Variants in SGIP1 observed in about 807,000 individuals in gnomAD.
SGIP1 encodes SH3-containing GRB2-like protein 3-interacting protein 1.
SGIP1 carries 38 observed loss-of-function variants against 107.5 expected under a neutral mutation model. That is an observed-to-expected ratio of 0.35 (90% CI 0.27 to 0.46). The LOEUF (loss-of-function observed/expected upper bound fraction) is 0.46. Ranked by LOEUF, SGIP1 falls within the 20% of genes least tolerant of loss-of-function variation. SGIP1 has a pLI of 1.00. For missense variants in SGIP1, 929 were observed against 1,019.5 expected (o/e 0.91, Z 1.21); for synonymous variants, 365 against 366.1 (o/e 1.00, Z 0.03).
At chr1:66,651,774 A>G (rs2078807206) in intron 7 of SGIP1, among the ~76,000 whole-genome samples, 1 of 152,172 alleles carries the variant, frequency 6.6e-6, no homozygotes, top group South Asian at 2.1e-4. Flanking sequence ...CTGTTGTGTG[A>G]TATGTGATTT....
At chr1:66,729,539 T>A in intron 20 of SGIP1, 120 bp downstream of exon 20, 1 of 1,285,478 alleles carries the variant, frequency 7.8e-7, no homozygotes, top group Non-Finnish European at 1.1e-6. Flanking sequence ...CACTCAGATA[T>A]ATTTGTAGAT....
In SGIP1 at chr1:66,661,918, C is replaced by T. The variant is rs2149727722; in HGVS notation, c.471+1394C>T. 1.3e-5 allele frequency among the ~76,000 whole-genome samples: 2 copies of T among 152,200 alleles called. 1 individual carries two copies. Among genetic ancestry groups the T allele is most frequent in the South Asian group, 4.2e-4 (2 of 4,818 alleles). ...TCTTTGGAAATGTCCATCTTGATTC[C>T]TCAGCCTGGTCATTTTGATGATACC... On this transcript the variant is annotated intron_variant, in intron 8 of 24. Coordinates refer to ENST00000371037, the MANE Select transcript of SGIP1 (RefSeq NM_032291.4).
chr1:66,660,691 A>G (rs2081295946), intron 8 of SGIP1, among the ~76,000 whole-genome samples, 167 bp downstream of exon 8: 1 of 152,206 alleles, frequency 6.6e-6, no homozygotes, highest in South Asian at 2.1e-4. Context: ...CACATGGGAA[A>G]AAAGGAAGTT....
intron 1 of SGIP1, among the ~76,000 whole-genome samples, chr1:66,588,842 C>T (rs2063104889): frequency 6.6e-6 from 1 of 151,034 alleles, no homozygotes; most frequent in African/African-American, 2.4e-5. Context: ...TGGAAGGAAC[C>T]AAAACTTCAT....
At chr1:66,562,386 C>A (rs1294527513) in intron 1 of SGIP1, among the ~76,000 whole-genome samples, 1 of 151,888 alleles carries the variant, frequency 6.6e-6, no homozygotes, top group African/African-American at 2.4e-5. Context: ...GGGGGAAATT[C>A]TCTATCTGAT....
In SGIP1 at chr1:66,744,036, T is replaced by C. The variant is rs1444548432; in HGVS notation, c.*941T>C. 6.6e-6 allele frequency: 1 copy of C among 152,144 alleles called. No homozygotes were observed. The highest frequency in any genetic ancestry group is 1.5e-5 in the Non-Finnish European group (1 of 67,994). The allele number at this position is 152,144 out of a possible 1,614,324, so 9.4% of individuals were successfully genotyped here. ...TTGCTTAGTTACTCTGAATAGATGATCTTACTCATCCAGTATGGGGGAATG... is the reference window on the plus strand; with the variant it reads ...TTGCTTAGTTACTCTGAATAGATGACCTTACTCATCCAGTATGGGGGAATG... On this transcript the variant is annotated 3_prime_UTR_variant, in exon 25 of 25. Coordinates refer to ENST00000371037, the MANE Select transcript of SGIP1 (RefSeq NM_032291.4).
intron 19 of SGIP1, 41 bp downstream of exon 19, chr1:66,719,446 T>C (rs765811306): frequency 6.6e-7 from 1 of 1,521,108 alleles, no homozygotes; most frequent in East Asian, 2.3e-5. Context: ...CTGAGTTCTG[T>C]CCTATTGAGT....
rs538372181 is a variant in SGIP1 at position 66,681,946 on chromosome 1, G to C, written c.892G>C (p.Val298Leu). The C allele has an allele frequency of 3.7e-6, 6 of 1,614,220 alleles. No homozygotes were observed. In the South Asian group the frequency reaches 6.6e-5, roughly 18 times the overall value. Residue 298 changes from valine (V) to leucine (L), a missense_variant, in exon 15 of 25, where the codon GTA becomes CTA. By Grantham distance (32) the Val-to-Leu change is conservative. Coordinates refer to ENST00000371037, the MANE Select transcript of SGIP1 (RefSeq NM_032291.4). ...TGACTTGGACAGCATTTTTGGGCCAGTATTGTCCCCCAAGTCTGTTGCTGT... is the reference window on the plus strand; with the variant it reads ...TGACTTGGACAGCATTTTTGGGCCACTATTGTCCCCCAAGTCTGTTGCTGT... Reference protein sequence around the residue: ...INDLDSIFGPVLSPKSVAVNA... With the variant: ...INDLDSIFGPLLSPKSVAVNA...
chr1:66,649,947 A>G (rs55895340), intron 7 of SGIP1, among the ~76,000 whole-genome samples: 20,342 of 152,064 alleles, frequency 0.13, 1,403 homozygotes, highest in African/African-American at 0.15. Context: ...TCATCTATTA[A>G]TGGGGTGACT....
chr1:66,716,380 G>T (rs1479247595), intron 18 of SGIP1, among the ~76,000 whole-genome samples: 2 of 152,084 alleles, frequency 1.3e-5, no homozygotes, highest in Non-Finnish European at 2.9e-5. Context: ...TAAATGCTTT[G>T]CAGAATTAAA....
chr1:66,662,642 C>A (rs181466863), intron 8 of SGIP1, among the ~76,000 whole-genome samples: 5 of 152,272 alleles, frequency 3.3e-5, no homozygotes, highest in Non-Finnish European at 5.9e-5. Context: ...CATTCTAGAT[C>A]TTCATTCCAG....
intron 7 of SGIP1, among the ~76,000 whole-genome samples, chr1:66,650,505 G>A (rs532430518): frequency 1.3e-5 from 2 of 152,186 alleles, no homozygotes; most frequent in African/African-American, 4.8e-5. Flanking sequence ...TGGTTCAAAC[G>A]CTTGCCTGTC....
chr1:66,620,102 T>C (rs1299804901), intron 1 of SGIP1, among the ~76,000 whole-genome samples: 2 of 152,164 alleles, frequency 1.3e-5, no homozygotes, highest in Non-Finnish European at 1.5e-5. Context: ...TCCTATCAGC[T>C]GTACTCAGGA....
At chr1:66,552,088 G>A (rs190798456) in intron 1 of SGIP1, among the ~76,000 whole-genome samples, 45 of 152,220 alleles carry the variant, frequency 3.0e-4, no homozygotes, top group African/African-American at 1.1e-3. Context: ...AGCAGGATGG[G>A]ACCACCGGGT....
At chr1:66,671,048 T>C (rs2083658390) in intron 10 of SGIP1, 29 bp downstream of exon 10, 1 of 1,220,284 alleles carries the variant, frequency 8.2e-7, no homozygotes. Flanking sequence ...CCAGAAATAG[T>C]GTATGATTTA....
intron 1 of SGIP1, among the ~76,000 whole-genome samples, chr1:66,589,537 C>G (rs1463149731): frequency 6.6e-6 from 1 of 151,890 alleles, no homozygotes; most frequent in Non-Finnish European, 1.5e-5. Flanking sequence ...GGCTCTTGAG[C>G]TTGTGATGGG....
Position 66,571,812 on chromosome 1 carries a change from T to C in SGIP1, c.10+37444T>C, listed in dbSNP as rs2060421190. 4.0e-5 allele frequency among the ~76,000 whole-genome samples: 6 copies of C among 151,170 alleles called. No homozygotes were observed. In the South Asian group the frequency reaches 1.3e-3, roughly 32 times the overall value. ...CATTCCTTTTCCTAAACCCACCATATGCCTTTTCATGACTCCAAGTCTTTG... is the reference window on the plus strand; with the variant it reads ...CATTCCTTTTCCTAAACCCACCATACGCCTTTTCATGACTCCAAGTCTTTG... On this transcript the variant is annotated intron_variant, in intron 1 of 24. Coordinates refer to ENST00000371037, the MANE Select transcript of SGIP1 (RefSeq NM_032291.4).
At chr1:66,729,977 T>C (rs1382563842) in intron 20 of SGIP1, among the ~76,000 whole-genome samples, 3 of 152,012 alleles carry the variant, frequency 2.0e-5, no homozygotes, top group Non-Finnish European at 4.4e-5. Context: ...AATTTTTGTA[T>C]TTTTAGTAGA....
rs1306892827 is a variant in SGIP1, at chr1:66,748,563, C to T, written c.*5468C>T. On this transcript the variant is annotated 3_prime_UTR_variant, in exon 25 of 25. Transcript: ENST00000371037. Reference sequence around the variant, plus strand: ...ATAATAATTTATTCTCTAGGTTTAACTTCTAAAATTATTTTTCCTTTGATT... The same window carrying T: ...ATAATAATTTATTCTCTAGGTTTAATTTCTAAAATTATTTTTCCTTTGATT... 1.3e-5 allele frequency among the ~76,000 whole-genome samples: 2 copies of T among 151,886 alleles called. No individual in the cohort carries two copies. Among genetic ancestry groups the T allele is most frequent in the Non-Finnish European group, 2.9e-5 (2 of 67,818 alleles).
Sources: allele counts gnomAD v4.1 joint callset (sites outside exome capture counted in the v4.1 genomes callset), GRCh38; gene constraint gnomAD v4.1.1; transcripts MANE v1.5; gene names NCBI Gene and HGNC (gene_info 2026-07-23, HGNC 2026-07-21).